The following PSPH variants were observed in gnomAD, a reference collection of about 807,000 sequenced individuals.
PSPH encodes L-3-phosphoserine phosphatase.
A neutral mutation model predicts 23.4 loss-of-function variants in PSPH; 16 were observed. That is an observed-to-expected ratio of 0.68 (90% CI 0.46 to 1.04). The LOEUF is 1.04. Ranked by LOEUF, PSPH falls within the 50% of genes least tolerant of loss-of-function variation. The pLI is 0.00. For missense variants in PSPH, 223 were observed against 273.7 expected (o/e 0.81, Z 1.31); for synonymous variants, 68 against 99.7 (o/e 0.68, Z 1.89).
At chr7:56,012,330 G>A (rs1788005998) in intron 7 of PSPH, among the ~76,000 whole-genome samples, 1 of 152,074 alleles carries the variant, frequency 6.6e-6, no homozygotes, top group South Asian at 2.1e-4. Flanking sequence ...TAGCCGGGAT[G>A]ACAGGTGCAC....
At chr7:56,023,415 T>C (rs1227795932) in intron 3 of PSPH, among the ~76,000 whole-genome samples, 1 of 151,886 alleles carries the variant, frequency 6.6e-6, no homozygotes, top group Non-Finnish European at 1.5e-5. Flanking sequence ...CGCACCACTA[T>C]GCTTGGCTAA....
At chr7:56,019,470 A>T (rs1259343564) in intron 5 of PSPH, 130 bp downstream of exon 5, 2 of 1,220,742 alleles carry the variant, frequency 1.6e-6, no homozygotes, top group Admixed American at 2.8e-5. Flanking sequence ...ATAATTAAAA[A>T]ATTAAAAAAT....
chr7:56,042,656 GAA>G lies in PSPH; in HGVS notation c.-292+8480_-292+8481del, dbSNP rs35744032. Among the ~76,000 whole-genome samples the G allele has an allele frequency of 9.2e-3, 982 of 107,226 alleles. 10 individuals carry two copies. Among genetic ancestry groups the G allele is most frequent in the African/African-American group, 0.031 (897 of 28,536 alleles). 70.3% of individuals were successfully genotyped at this position (107,226 alleles called of 152,430 possible). A position where few individuals can be genotyped will look rare whatever the true frequency, so the allele number is the denominator to read the frequency against. On this transcript the variant is annotated intron_variant, in intron 1 of 7. Transcript: ENST00000275605. ...ACAGAGTGGGACCCTGTCTCAGAAG[GAA>G]AAAAAAAAAAAAAAGGATGTAGAAG...
intron 1 of PSPH, among the ~76,000 whole-genome samples, chr7:56,049,947 G>A (rs566189565): frequency 6.6e-6 from 1 of 152,016 alleles, no homozygotes; most frequent in South Asian, 2.1e-4. Flanking sequence ...TGTTGGCCAG[G>A]ATGGTCTTGA....
chr7:56,049,978 C>T (rs1391674449), intron 1 of PSPH, among the ~76,000 whole-genome samples: 1 of 151,990 alleles, frequency 6.6e-6, no homozygotes, highest in Non-Finnish European at 1.5e-5. Context: ...TCAAGTGATC[C>T]GCCCACCTCG....
At chr7:56,027,179 T>G (rs1285736910) in intron 3 of PSPH, among the ~76,000 whole-genome samples, 4 of 138,580 alleles carry the variant, frequency 2.9e-5, no homozygotes, top group African/African-American at 1.1e-4. Context: ...CACCCCAGCC[T>G]GGGCAACAAG....
At chr7:56,036,290 T>C (rs938121751) in intron 1 of PSPH, among the ~76,000 whole-genome samples, 24 of 151,936 alleles carry the variant, frequency 1.6e-4, no homozygotes, top group African/African-American at 5.3e-4. Flanking sequence ...AAACACCAAA[T>C]GTTTGTATCT....
At chr7:56,049,845 A>G (rs539845460) in intron 1 of PSPH, among the ~76,000 whole-genome samples, 2 of 151,704 alleles carry the variant, frequency 1.3e-5, no homozygotes, top group Non-Finnish European at 2.9e-5. Context: ...AGTTCAAGCA[A>G]TTCTCATGCC....
At chr7:56,022,405 C>T (rs1789591235) in intron 3 of PSPH, among the ~76,000 whole-genome samples, 1 of 152,034 alleles carries the variant, frequency 6.6e-6, no homozygotes, top group Non-Finnish European at 1.5e-5. Context: ...GGTAAGTGGC[C>T]CTCTGAGTGG....
At chr7:56,021,340 A>G (rs73140778) in intron 3 of PSPH, 109 bp from the exon 4 acceptor site, 11 of 1,030,694 alleles carry the variant, frequency 1.1e-5, no homozygotes, top group Middle Eastern at 2.9e-4. Context: ...TGCAGGCCAC[A>G]TAAGAGTGTT....
In PSPH at chr7:56,023,841, C is replaced by T. The variant is rs1562799028; in HGVS notation, c.-19-2610G>A. Reference sequence around the variant, plus strand: ...TAAGTCAGGGGTCAGCAAACTATAGCTTGTAGGCCAAATCCACCCTGCCAC... The same window carrying T: ...TAAGTCAGGGGTCAGCAAACTATAGTTTGTAGGCCAAATCCACCCTGCCAC... On this transcript the variant is annotated intron_variant, in intron 3 of 7. Transcript: ENST00000275605. Among the ~76,000 whole-genome samples the T allele has an allele frequency of 2.0e-5, 3 of 152,176 alleles. No individual in the cohort carries two copies. In the East Asian group the frequency reaches 5.8e-4, roughly 29 times the overall value.
chr7:56,030,104 ATATTT>A (rs1368628370), intron 3 of PSPH, among the ~76,000 whole-genome samples: 1 of 151,776 alleles, frequency 6.6e-6, no homozygotes, highest in Non-Finnish European at 1.5e-5. Context: ...CACTTACACT[ATATTT>A]TATTTTATCT....
chr7:56,015,319 C>G, intron 6 of PSPH, 148 bp from the exon 7 acceptor site: 1 of 796,668 alleles, frequency 1.3e-6, no homozygotes, highest in Non-Finnish European at 2.1e-6. Flanking sequence ...AGCTCCACAC[C>G]TGTTCCTGGG....
rs181373518 is a variant in PSPH, at chr7:56,015,931, T to C, written c.422-760A>G. ...GCCTCGGCCTCCCAAAGTTCTGGGATTACAGGCGTGAGCCACCACACCCAG... is the reference window on the plus strand; with the variant it reads ...GCCTCGGCCTCCCAAAGTTCTGGGACTACAGGCGTGAGCCACCACACCCAG... On this transcript the variant is annotated intron_variant, in intron 6 of 7. Transcript: ENST00000275605. Among the ~76,000 whole-genome samples the C allele has an allele frequency of 6.6e-5, 10 of 152,136 alleles. No homozygotes were observed. The East Asian group carries it at 1.9e-3, about 29-fold the overall frequency.
At chr7:56,022,135 G>A (rs899488149) in intron 3 of PSPH, among the ~76,000 whole-genome samples, 5 of 151,972 alleles carry the variant, frequency 3.3e-5, no homozygotes, top group Admixed American at 6.6e-5. Flanking sequence ...CAAGACCAGC[G>A]TGGGCAACAT....
intron 2 of PSPH, among the ~76,000 whole-genome samples, chr7:56,032,653 CA>C (rs71015165): frequency 0.14 from 10,913 of 80,418 alleles, 475 homozygotes; most frequent in East Asian, 0.34. Context: ...GAGCGAGTCT[CA>C]AAAAAAAAAA....
At chr7:56,038,587 C>G (rs946916627) in intron 1 of PSPH, among the ~76,000 whole-genome samples, 11 of 152,110 alleles carry the variant, frequency 7.2e-5, no homozygotes, top group African/African-American at 1.9e-4. Context: ...CTAATCCTAG[C>G]ACTTTGGGAG....
At chr7:56,049,756 T>A (rs6955663) in intron 1 of PSPH, among the ~76,000 whole-genome samples, 24,905 of 151,276 alleles carry the variant, frequency 0.16, 2,514 homozygotes, top group South Asian at 0.26. Flanking sequence ...TATTATTATT[T>A]TTTTTGAGGA....
chr7:56,018,718 T>A (rs1788921475), intron 5 of PSPH, among the ~76,000 whole-genome samples: 1 of 151,228 alleles, frequency 6.6e-6, no homozygotes, highest in Non-Finnish European at 1.5e-5. Flanking sequence ...TTCCAACACT[T>A]TGGGAGGCTG....
Sources: allele counts gnomAD v4.1 joint callset (sites outside exome capture counted in the v4.1 genomes callset), GRCh38; gene constraint gnomAD v4.1.1; transcripts MANE v1.5; gene names NCBI Gene and HGNC (gene_info 2026-07-23, HGNC 2026-07-21).